Variants in INTS6 observed in about 807,000 individuals in gnomAD.
INTS6 encodes integrator complex subunit 6.
Under a neutral mutation model 104.9 loss-of-function variants are expected in INTS6, and 16 were observed. The ratio of observed to expected loss-of-function variants is 0.15; its 90% CI spans 0.10 to 0.23. INTS6 has a LOEUF of 0.23. Ranked by LOEUF, INTS6 falls within the 10% of genes least tolerant of loss-of-function variation. The pLI, the probability that INTS6 is intolerant of heterozygous loss-of-function variation, is 1.00. For synonymous variants in INTS6, 324 were observed against 358.7 expected, an observed-to-expected ratio of 0.90 and a Z score of 1.09; for missense variants, 584 against 1,062.8, an observed-to-expected ratio of 0.55 and a Z score of 6.26.
chr13:51,403,601 A>AAAAG (rs1956487705), intron 4 of INTS6, among the ~76,000 whole-genome samples: 1 of 150,452 alleles, frequency 6.6e-6, no homozygotes, highest in Non-Finnish European at 1.5e-5. Flanking sequence ...AAAGAAAAAA[A>AAAAG]AAAGAAAAAA....
intron 4 of INTS6, among the ~76,000 whole-genome samples, chr13:51,414,820 T>A (rs1593732207): frequency 7.0e-6 from 1 of 142,158 alleles, no homozygotes; most frequent in Admixed American, 7.3e-5. Context: ...TATGTATGTA[T>A]GTAGTTCTTC....
At chr13:51,417,515 C>T (rs779579458) in intron 4 of INTS6, among the ~76,000 whole-genome samples, 5 of 144,798 alleles carry the variant, frequency 3.5e-5, no homozygotes, top group East Asian at 2.0e-4. Flanking sequence ...AGTGCAATGG[C>T]GCGATCTCAG....
chr13:51,335,111 C>T, the INTS6 span, among the ~76,000 whole-genome samples: 5 of 151,848 alleles, frequency 3.3e-5, no homozygotes, highest in South Asian at 1.0e-3. Flanking sequence ...TGATCTAACA[C>T]ATGAGAGAAG....
chr13:51,429,781 AAAAAATATAT>A (rs1205992988), intron 4 of INTS6, among the ~76,000 whole-genome samples: 1 of 126,182 alleles, frequency 7.9e-6, no homozygotes, highest in African/African-American at 3.3e-5. Context: ...AAAAAAAAAA[AAAAAATATAT>A]ATATATATAT....
chr13:51,449,134 G>A (rs1365027657), intron 3 of INTS6: 1 of 152,108 alleles, frequency 6.6e-6, no homozygotes, highest in Non-Finnish European at 1.5e-5. Context: ...GAAAACAGTG[G>A]CTTATTTTAA....
intron 4 of INTS6, among the ~76,000 whole-genome samples, chr13:51,425,470 T>C (rs541087127): frequency 3.3e-4 from 50 of 152,170 alleles, no homozygotes; most frequent in Middle Eastern, 3.4e-3. Context: ...AATCATAACA[T>C]TGGTAAAGAG....
intron 4 of INTS6, among the ~76,000 whole-genome samples, chr13:51,422,338 A>C (rs537840248): frequency 6.6e-5 from 10 of 152,290 alleles, no homozygotes; most frequent in Admixed American, 5.9e-4. Flanking sequence ...AAAGCTATGG[A>C]TCTCTTTACC....
intron 4 of INTS6, among the ~76,000 whole-genome samples, chr13:51,400,252 C>T (rs1484636580): frequency 6.6e-6 from 1 of 152,230 alleles, no homozygotes; most frequent in African/African-American, 2.4e-5. Flanking sequence ...TTGGGGACAG[C>T]TGCTTTATTG....
chr13:51,421,416 G>A (rs1244489542), intron 4 of INTS6: 3 of 543,346 alleles, frequency 5.5e-6, no homozygotes, highest in African/African-American at 4.1e-5. Flanking sequence ...AAGACAGAGC[G>A]TGGGGAAAAA....
intron 2 of INTS6, 147 bp downstream of exon 2, chr13:51,451,831 G>A (rs1231919405): frequency 4.5e-6 from 2 of 447,892 alleles, no homozygotes; most frequent in African/African-American, 4.1e-5. Flanking sequence ...GAGGGGGTGG[G>A]AGCCCGCAGG....
chr13:51,415,540 C>T (rs1956771718), intron 4 of INTS6, among the ~76,000 whole-genome samples: 1 of 152,040 alleles, frequency 6.6e-6, no homozygotes, highest in African/African-American at 2.4e-5. Flanking sequence ...TTTCCCTGCA[C>T]AAGCTCTCTC....
Position 51,364,538 on chromosome 13 carries a change from G to C in INTS6, c.*1214C>G, listed in dbSNP as rs1162100326. ...CACTAAAAGGCACAGCAGTGATCAT[G>C]AATGGTGAGTGAGTCAGGCCATAAG... On this transcript the variant is annotated 3_prime_UTR_variant, in exon 18 of 18. Coordinates refer to ENST00000311234, the MANE Select transcript of INTS6 (RefSeq NM_012141.3). 5.7e-6 allele frequency: 2 copies of C among 352,848 alleles called. No individual in the cohort carries two copies. The highest frequency in any genetic ancestry group is 1.0e-5 in the Non-Finnish European group (2 of 196,874). 21.9% of individuals were successfully genotyped at this position (352,848 alleles called of 1,614,324 possible). A position where few individuals can be genotyped will look rare whatever the true frequency, so the allele number is the denominator to read the frequency against.
intron 6 of INTS6, among the ~76,000 whole-genome samples, chr13:51,388,551 G>A (rs904696187): frequency 2.6e-5 from 4 of 151,916 alleles, no homozygotes; most frequent in Non-Finnish European, 5.9e-5. Flanking sequence ...GCGCCACCAC[G>A]CCTGGCTCAT....
intron 3 of INTS6, chr13:51,450,620 G>A (rs1229975220): frequency 1.0e-6 from 1 of 986,494 alleles, no homozygotes; most frequent in East Asian, 1.1e-4. Context: ...GCAACAAACA[G>A]ATTAATTTCC....
intron 16 of INTS6, among the ~76,000 whole-genome samples, 163 bp from the exon 17 acceptor site, chr13:51,368,061 A>G (rs1955728244): frequency 6.6e-6 from 1 of 152,176 alleles, no homozygotes; most frequent in Non-Finnish European, 1.5e-5. Context: ...ACATATATGT[A>G]AAAGTAAGTA....
At chr13:51,383,117 T>C (rs1264753925) in intron 9 of INTS6, among the ~76,000 whole-genome samples, 4 of 149,710 alleles carry the variant, frequency 2.7e-5, no homozygotes, top group Non-Finnish European at 5.9e-5. Context: ...AAAATACCTT[T>C]ATTAAATTGC....
chr13:51,386,248 T>C (rs1956139608), intron 7 of INTS6, among the ~76,000 whole-genome samples: 1 of 152,222 alleles, frequency 6.6e-6, no homozygotes, highest in South Asian at 2.1e-4. Flanking sequence ...GATACTGGTT[T>C]TGGATTTCTT....
chr13:51,389,040 A>C (rs1374870875), intron 6 of INTS6, among the ~76,000 whole-genome samples: 1 of 152,238 alleles, frequency 6.6e-6, no homozygotes, highest in Non-Finnish European at 1.5e-5. Flanking sequence ...TAATACTACA[A>C]AGAAATTATA....
Position 51,386,986 on chromosome 13 carries a change from A to G in INTS6, c.894+400T>C, listed in dbSNP as rs907090675. 2.0e-5 allele frequency among the ~76,000 whole-genome samples: 3 copies of G among 152,308 alleles called. No individual in the cohort carries two copies. The East Asian group carries it at 5.8e-4, about 29-fold the overall frequency. On this transcript the variant is annotated intron_variant, in intron 7 of 17. Transcript: ENST00000311234. ...ACACTGTATATAACTAAAACCATAC[A>G]TATCAATATGAATTTAAGACTAAGT...
Sources: allele counts gnomAD v4.1 joint callset (sites outside exome capture counted in the v4.1 genomes callset), GRCh38; gene constraint gnomAD v4.1.1; transcripts MANE v1.5; gene names NCBI Gene and HGNC (gene_info 2026-07-23, HGNC 2026-07-21).